MAP3K13: variants seen among roughly 807,000 people sequenced by gnomAD.
MAP3K13 encodes mitogen-activated protein kinase kinase kinase 13.
MAP3K13 carries 52 observed loss-of-function variants against 104.0 expected under a neutral mutation model. The observed-to-expected ratio is 0.50, with a 90% CI of 0.40 to 0.63. The LOEUF (loss-of-function observed/expected upper bound fraction) is 0.63, where lower values mean the gene tolerates loss of function less well. Ranked by LOEUF, MAP3K13 falls within the 20% of genes least tolerant of loss-of-function variation. The pLI is 0.00. For synonymous variants in MAP3K13, 394 were observed against 442.2 expected, an observed-to-expected ratio of 0.89 and a Z score of 1.37; for missense variants, 914 against 1,218.5, an observed-to-expected ratio of 0.75 and a Z score of 3.72.
Position 185,415,214 on chromosome 3 carries a change from G to A in MAP3K13, c.-85-13283G>A, listed in dbSNP as rs1238008137. 3.3e-5 allele frequency among the ~76,000 whole-genome samples: 5 copies of A among 151,898 alleles called. No individual in the cohort carries two copies. In the South Asian group the frequency reaches 6.2e-4, roughly 19 times the overall value. On this transcript the variant is annotated intron_variant, in intron 1 of 13. Coordinates refer to ENST00000265026, the MANE Select transcript of MAP3K13 (RefSeq NM_004721.5). ...GTCTTCCAGGCTGGAGTGCAGTGGC[G>A]CGATCATGGCTCACTGCAACCTCTG...
intron 6 of MAP3K13, 140 bp from the exon 7 acceptor site, chr3:185,451,147 T>C: frequency 1.7e-6 from 1 of 596,370 alleles, no homozygotes; most frequent in South Asian, 2.0e-5. Context: ...AGTTATGCTA[T>C]CCTGATATAA....
In MAP3K13 at chr3:185,443,352, G is replaced by T. The variant is rs1577564841; in HGVS notation, c.660-93G>T. On this transcript the variant is annotated intron_variant, in intron 3 of 13. Transcript: ENST00000265026. Reference sequence around the variant, plus strand: ...CTATACACATTTTTAAAATAATTCGGGTATAGAATTGGTTTTTATTAAATA... The same window carrying T: ...CTATACACATTTTTAAAATAATTCGTGTATAGAATTGGTTTTTATTAAATA... 8.9e-6 allele frequency: 7 copies of T among 790,928 alleles called. No homozygotes were observed. In the South Asian group the frequency reaches 1.9e-4, roughly 21 times the overall value. The allele number at this position is 790,928 out of a possible 1,614,324, so 49.0% of individuals were successfully genotyped here.
intron 2 of MAP3K13, among the ~76,000 whole-genome samples, chr3:185,300,189 CTTT>C (rs1273008667): frequency 8.1e-6 from 1 of 123,424 alleles, no homozygotes. Context: ...TCCTTCTTTT[CTTT>C]TTTTTTTTTT....
intron 1 of MAP3K13, among the ~76,000 whole-genome samples, chr3:185,412,004 G>A (rs1221245017): frequency 3.3e-5 from 5 of 152,036 alleles, no homozygotes; most frequent in South Asian, 2.1e-4. Flanking sequence ...GGCTGGTCTC[G>A]AACTCTGGAC....
intron 2 of MAP3K13, among the ~76,000 whole-genome samples, chr3:185,431,107 A>G (rs1029539474): frequency 2.6e-5 from 4 of 152,238 alleles, no homozygotes; most frequent in African/African-American, 9.6e-5. Flanking sequence ...TCACCAGAAC[A>G]GCAAGGGGGA....
rs769390178 is a variant in MAP3K13, at chr3:185,443,472, T to C, written c.687T>C (p.Tyr229=). 6.2e-7 allele frequency: 1 copy of C among 1,613,810 alleles called. No individual in the cohort carries two copies. Among genetic ancestry groups the C allele is most frequent in the South Asian group, 1.1e-5 (1 of 91,026 alleles). The change falls in exon 4 of 14, where the codon TAT becomes TAC. Residue 229 remains tyrosine (Y), a synonymous_variant. Coordinates refer to ENST00000265026, the MANE Select transcript of MAP3K13 (RefSeq NM_004721.5). ...GTGTTTGTACTCAGGCCCCATGTTA[T>C]TGTATTATCATGGAATACTGTGCCC... is the stretch of plus-strand genomic sequence containing the variant. ...FKGVCTQAPC[Y]CIIMEYCAHG...
At chr3:185,395,419 T>A (rs6800551) in intron 1 of MAP3K13, among the ~76,000 whole-genome samples, 7 of 47,616 alleles carry the variant, frequency 1.5e-4, no homozygotes, top group Admixed American at 2.6e-4. Flanking sequence ...AGTGCAGTGG[T>A]GCGATCTCGG....
intron 1 of MAP3K13, among the ~76,000 whole-genome samples, chr3:185,405,162 C>T (rs1014815965): frequency 1.3e-5 from 2 of 152,086 alleles, no homozygotes; most frequent in Admixed American, 6.5e-5. Flanking sequence ...AGAATGTGTC[C>T]CTGCCAATGA....
At chr3:185,419,664 A>C (rs940071977) in intron 1 of MAP3K13, among the ~76,000 whole-genome samples, 1 of 152,156 alleles carries the variant, frequency 6.6e-6, no homozygotes, top group South Asian at 2.1e-4. Context: ...TTATTTTTAA[A>C]ACATTTAAAG....
rs186064640 is a variant in MAP3K13, at chr3:185,318,248, G to A, written c.-86+32605G>A. On this transcript the variant is annotated intron_variant, in intron 2 of 14. Coordinates refer to the MAP3K13 transcript ENST00000424227. The stretch of plus-strand genomic sequence containing the variant: ...AATACAAGAGACAGAGTACAGGCAG[G>A]AAGGAATTCTTAAAGCGTCTGTGGT... Among the ~76,000 whole-genome samples the A allele has an allele frequency of 1.8e-4, 27 of 152,326 alleles. No individual in the cohort carries two copies. In the East Asian group the frequency reaches 5.2e-3, roughly 29 times the overall value.
intron 1 of MAP3K13, among the ~76,000 whole-genome samples, chr3:185,425,870 T>A (rs561552756): frequency 6.6e-6 from 1 of 152,306 alleles, no homozygotes; most frequent in South Asian, 2.1e-4. Flanking sequence ...TGAGCTCCCA[T>A]TGCATCTTTT....
At chr3:185,386,602 T>A (rs967816370) in intron 1 of MAP3K13, among the ~76,000 whole-genome samples, 1 of 152,206 alleles carries the variant, frequency 6.6e-6, no homozygotes, top group Non-Finnish European at 1.5e-5. Context: ...CATGCACGCG[T>A]ATGTTCATTG....
At chr3:185,291,871 C>A in intron 2 of MAP3K13, 2 of 1,155,764 alleles carry the variant, frequency 1.7e-6, no homozygotes, top group Non-Finnish European at 1.1e-6. Flanking sequence ...GCTTACGTTC[C>A]TTTAGACTAG....
chr3:185,455,336 T>C (rs1431253451), intron 7 of MAP3K13, among the ~76,000 whole-genome samples: 5 of 123,856 alleles, frequency 4.0e-5, no homozygotes, highest in African/African-American at 1.5e-4. Flanking sequence ...ATATGATATA[T>C]ATGAGATATA....
At chr3:185,427,255 T>G (rs922960777) in intron 1 of MAP3K13, among the ~76,000 whole-genome samples, 19 of 151,262 alleles carry the variant, frequency 1.3e-4, no homozygotes, top group African/African-American at 4.1e-4. Flanking sequence ...TCCCAGCTAC[T>G]CAGGAGGCTG....
chr3:185,393,073 T>C (rs1712164951), intron 1 of MAP3K13, among the ~76,000 whole-genome samples: 1 of 151,550 alleles, frequency 6.6e-6, no homozygotes, highest in African/African-American at 2.4e-5. Context: ...ATAAGTAAAA[T>C]AAAATAATCT....
chr3:185,443,802 T>C (rs1715453844), intron 4 of MAP3K13, 166 bp downstream of exon 4: 2 of 595,104 alleles, frequency 3.4e-6, no homozygotes, highest in Non-Finnish European at 5.9e-6. Context: ...TTGACCTACC[T>C]GGTTACCTGT....
At chr3:185,455,170 A>T (rs1482044230) in intron 7 of MAP3K13, among the ~76,000 whole-genome samples, 2 of 49,938 alleles carry the variant, frequency 4.0e-5, no homozygotes, top group African/African-American at 9.6e-5. Context: ...GATATATATG[A>T]GATATATATG....
Position 185,418,609 on chromosome 3 carries a change from A to G in MAP3K13, c.-85-9888A>G, listed in dbSNP as rs1164742009. 6.2e-7 allele frequency: 1 copy of G among 1,612,156 alleles called. No homozygotes were observed. On this transcript the variant is annotated intron_variant, in intron 1 of 13. Coordinates refer to ENST00000265026, the MANE Select transcript of MAP3K13 (RefSeq NM_004721.5). This position sits in a 1 kb window ranked among gnomAD's most constrained non-coding sequence, Gnocchi z 4.5. ...CTCAGCACTGGTCTGATGACCTGCT[A>G]ATTCACTGGCAGCGTAGGGCTGTCT...
Sources: allele counts gnomAD v4.1 joint callset (sites outside exome capture counted in the v4.1 genomes callset), GRCh38; gene constraint gnomAD v4.1.1; non-coding constraint Gnocchi (gnomAD v3.1); transcripts MANE v1.5; gene names NCBI Gene and HGNC (gene_info 2026-07-23, HGNC 2026-07-21).